The following DCDC1 variants were observed in gnomAD, a reference collection of about 807,000 sequenced individuals.
The protein encoded by DCDC1 is doublecortin domain-containing protein 1.
Under a neutral mutation model 178.3 loss-of-function variants are expected in DCDC1, and 200 were observed. The observed-to-expected ratio is 1.12, with a 90% CI of 1.00 to 1.26. The LOEUF is 1.26. Ranked by LOEUF, DCDC1 falls within the 50% of genes most tolerant of loss-of-function variation. The pLI, the probability that DCDC1 is intolerant of heterozygous loss-of-function variation, is 0.00. For missense variants in DCDC1, 1,983 were observed against 1,749.2 expected (o/e 1.13, Z -2.38); for synonymous variants, 690 against 604.8 (o/e 1.14, Z -2.07).
intron 7 of DCDC1, among the ~76,000 whole-genome samples, chr11:31,268,637 A>C (rs1945340872): frequency 6.6e-6 from 1 of 152,152 alleles, no homozygotes; most frequent in African/African-American, 2.4e-5. Context: ...ATGGGCACCT[A>C]GCTTGATTCC....
chr11:30,878,419 A>T (rs1227952669), intron 38 of DCDC1, 125 bp downstream of exon 38: 1 of 903,990 alleles, frequency 1.1e-6, no homozygotes, highest in Non-Finnish European at 1.5e-6. Flanking sequence ...GTGCCACTAC[A>T]CTCCAGCCTG....
At chr11:31,103,913 T>C (rs1469069827) in intron 13 of DCDC1, 144 bp from the exon 14 acceptor site, 4 of 552,158 alleles carry the variant, frequency 7.2e-6, no homozygotes, top group Non-Finnish European at 1.3e-5. Context: ...GCACTATTGC[T>C]GGTATTCTAT....
intron 7 of DCDC1, among the ~76,000 whole-genome samples, chr11:31,268,838 G>T (rs1945354094): frequency 6.6e-6 from 1 of 152,156 alleles, no homozygotes; most frequent in South Asian, 2.1e-4. Flanking sequence ...CTTACCAACA[G>T]TGTATAAGCG....
chr11:31,346,222 G>A (rs1950802895), intron 1 of DCDC1, among the ~76,000 whole-genome samples: 2 of 152,022 alleles, frequency 1.3e-5, no homozygotes, highest in Non-Finnish European at 2.9e-5. Context: ...AGAGACTCAA[G>A]AATCATAGGA....
chr11:31,066,596 A>C (rs1956266393), intron 18 of DCDC1, among the ~76,000 whole-genome samples: 1 of 152,174 alleles, frequency 6.6e-6, no homozygotes, highest in Non-Finnish European at 1.5e-5. Context: ...ATGTAATGTA[A>C]ATATGTATGT....
intron 20 of DCDC1, among the ~76,000 whole-genome samples, chr11:30,962,764 T>C (rs1949182343): frequency 6.6e-6 from 1 of 152,110 alleles, no homozygotes; most frequent in South Asian, 2.1e-4. Context: ...TTGTTTTGTT[T>C]TTCTAGTTGG....
intron 20 of DCDC1, among the ~76,000 whole-genome samples, chr11:31,016,151 GAAT>G (rs1356798298): frequency 1.3e-5 from 2 of 152,062 alleles, no homozygotes; most frequent in Non-Finnish European, 2.9e-5. Flanking sequence ...CATAAAATGG[GAAT>G]AATAATACTT....
intron 20 of DCDC1, among the ~76,000 whole-genome samples, chr11:30,984,636 C>A (rs72882648): frequency 9.1e-4 from 139 of 152,280 alleles, no homozygotes; most frequent in Admixed American, 2.5e-3. Context: ...CGTAACGTGA[C>A]GTTCAATCCC....
intron 6 of DCDC1, among the ~76,000 whole-genome samples, chr11:31,295,243 T>A (rs375260914): frequency 6.6e-6 from 1 of 152,252 alleles, no homozygotes; most frequent in African/African-American, 2.4e-5. Context: ...TTATTTTTTA[T>A]TATTCTATTG....
At chr11:30,992,331 A>C (rs1951034302) in intron 20 of DCDC1, 2 of 152,186 alleles carry the variant, frequency 1.3e-5, no homozygotes, top group East Asian at 3.8e-4. Context: ...TGAACAAATA[A>C]TGACTGACAA....
intron 7 of DCDC1, among the ~76,000 whole-genome samples, chr11:31,287,929 A>G (rs1416529029): frequency 6.6e-6 from 1 of 151,058 alleles, no homozygotes; most frequent in African/African-American, 2.4e-5. Flanking sequence ...TTATTGTTAC[A>G]TTCATTTCAT....
chr11:31,004,146 G>T (rs1214248291), intron 20 of DCDC1, among the ~76,000 whole-genome samples: 2 of 152,082 alleles, frequency 1.3e-5, no homozygotes, highest in Non-Finnish European at 2.9e-5. Context: ...TTCTGAGGAG[G>T]ATATATAAGA....
intron 8 of DCDC1, among the ~76,000 whole-genome samples, chr11:31,257,177 TAG>T (rs1383444207): frequency 6.6e-6 from 1 of 152,186 alleles, no homozygotes; most frequent in Non-Finnish European, 1.5e-5. Context: ...ATACTGGGCC[TAG>T]ATAGGAAGCA....
intron 20 of DCDC1, among the ~76,000 whole-genome samples, chr11:31,009,464 G>GTGTA (rs932158373): frequency 6.6e-6 from 1 of 151,756 alleles, no homozygotes; most frequent in African/African-American, 2.4e-5. Context: ...GTGTGTGTGT[G>GTGTA]TGTGTGTGTA....
At chr11:30,950,672 T>C (rs529511079) in intron 21 of DCDC1, among the ~76,000 whole-genome samples, 1 of 152,134 alleles carries the variant, frequency 6.6e-6, no homozygotes, top group South Asian at 2.1e-4. Context: ...CTCATGGAGA[T>C]AGAGACTAGA....
At chr11:31,018,868 T>C (rs1041203483) in intron 20 of DCDC1, among the ~76,000 whole-genome samples, 1 of 152,064 alleles carries the variant, frequency 6.6e-6, no homozygotes, top group Non-Finnish European at 1.5e-5. Context: ...AAATGAGCTT[T>C]GGTAATAAGG....
intron 14 of DCDC1, among the ~76,000 whole-genome samples, chr11:31,102,624 G>A (rs1178778140): frequency 6.6e-6 from 1 of 152,142 alleles, no homozygotes. Context: ...TAAATTATAA[G>A]GTTGTTATAG....
chr11:31,046,567 C>G (rs1455946112), intron 20 of DCDC1, among the ~76,000 whole-genome samples: 2 of 145,410 alleles, frequency 1.4e-5, no homozygotes, highest in Admixed American at 6.9e-5. Flanking sequence ...TAAAAACTTT[C>G]AAAATTAAGA....
chr11:31,160,194 T>C (rs959073926), intron 9 of DCDC1, among the ~76,000 whole-genome samples: 1 of 152,180 alleles, frequency 6.6e-6, no homozygotes, highest in African/African-American at 2.4e-5. Flanking sequence ...CATATGTACT[T>C]AAATATCATT....
Sources: gnomAD v4.1 joint callset for allele counts (sites outside exome capture counted in the v4.1 genomes callset) on GRCh38, gnomAD v4.1.1 for gene constraint, MANE v1.5 for transcripts, NCBI Gene and HGNC (gene_info 2026-07-23, HGNC 2026-07-21) for gene names.